Variants in DSCAM observed in about 807,000 individuals in gnomAD.
The protein encoded by DSCAM is DS cell adhesion molecule, also known as cell adhesion molecule DSCAM.
Under a neutral mutation model 217.7 loss-of-function variants are expected in DSCAM, and 47 were observed. The observed-to-expected ratio is 0.22, with a 90% CI of 0.17 to 0.28. The LOEUF is 0.28. DSCAM is among the 10% of genes least tolerant of loss of function. The probability of loss-of-function intolerance (pLI) is 1.00; values close to 1 mark genes in which losing one functional copy is unlikely to be tolerated. For synonymous variants in DSCAM, 1,056 were observed against 1,015.3 expected (o/e 1.04, Z -0.76); for missense variants, 2,080 against 2,618.3 (o/e 0.79, Z 4.49).
intron 16 of DSCAM, among the ~76,000 whole-genome samples, chr21:40,149,175 A>G (rs949664031): frequency 4.6e-5 from 7 of 151,966 alleles, no homozygotes; most frequent in African/African-American, 7.3e-5. Context: ...CTCCATCACT[A>G]TTCCAACACC....
intron 16 of DSCAM, among the ~76,000 whole-genome samples, chr21:40,153,968 C>A (rs572003544): frequency 6.6e-6 from 1 of 152,222 alleles, no homozygotes; most frequent in African/African-American, 2.4e-5. Flanking sequence ...TTAGACCTTC[C>A]TGGTCTTGGG....
intron 3 of DSCAM, among the ~76,000 whole-genome samples, chr21:40,662,929 A>G (rs2090154304): frequency 6.6e-6 from 1 of 152,148 alleles, no homozygotes; most frequent in Non-Finnish European, 1.5e-5. Flanking sequence ...AGTAAATGGG[A>G]AACAAAATAA....
rs553028021 is a variant in DSCAM at position 40,320,132 on chromosome 21, A to C, written c.1784-7773T>G. 4.6e-5 allele frequency among the ~76,000 whole-genome samples: 7 copies of C among 152,300 alleles called. 1 individual carries two copies. In the South Asian group the frequency reaches 1.5e-3, roughly 32 times the overall value. ...GATGGGTTGAGAGGTGCAGCATACC[A>C]CCATGGCACACATTTACCTATGTGA... On this transcript the variant is annotated intron_variant, in intron 8 of 32. Transcript: ENST00000400454.
chr21:40,702,157 C>T (rs1439587840), intron 2 of DSCAM, among the ~76,000 whole-genome samples: 3 of 152,058 alleles, frequency 2.0e-5, no homozygotes, highest in Admixed American at 1.3e-4. Flanking sequence ...TCTTCACCTC[C>T]CCCCTTTACA....
At chr21:40,225,094 C>T (rs574453373) in intron 11 of DSCAM, among the ~76,000 whole-genome samples, 11 of 152,348 alleles carry the variant, frequency 7.2e-5, no homozygotes, top group African/African-American at 2.6e-4. Flanking sequence ...ACTGAAACAT[C>T]CCTGTTCACA....
intron 11 of DSCAM, among the ~76,000 whole-genome samples, chr21:40,218,507 A>G (rs989054157): frequency 6.6e-6 from 1 of 151,992 alleles, no homozygotes; most frequent in Admixed American, 6.6e-5. Context: ...AATTTCAAAA[A>G]TTTTTTTCTA....
At chr21:40,494,895 A>G (rs2076105772) in intron 3 of DSCAM, among the ~76,000 whole-genome samples, 1 of 152,190 alleles carries the variant, frequency 6.6e-6, no homozygotes, top group East Asian at 1.9e-4. Flanking sequence ...AAAATCAGAA[A>G]TAAAAGGAGA....
Position 40,160,517 on chromosome 21 carries a change from T to C in DSCAM, c.3018+6701A>G, listed in dbSNP as rs2090528989. Among the ~76,000 whole-genome samples, 2 of 152,324 alleles carry C rather than the reference T, an allele frequency of 1.3e-5. 1 individual carries two copies. The highest frequency in any genetic ancestry group is 2.9e-5 in the Non-Finnish European group (2 of 68,026). On this transcript the variant is annotated intron_variant, in intron 16 of 32. Transcript: ENST00000400454. ...AAAGCTTCCTAGTGAATATTATGCA[T>C]AGTGTGCTTATTAGACAATTTAAGT...
intron 6 of DSCAM, among the ~76,000 whole-genome samples, chr21:40,345,873 C>T (rs2074552530): frequency 6.6e-6 from 1 of 152,144 alleles, no homozygotes; most frequent in African/African-American, 2.4e-5. Context: ...TGACATGCGA[C>T]AAATAAATCT....
At chr21:40,119,391 GTGTT>G (rs2090007392) in intron 20 of DSCAM, among the ~76,000 whole-genome samples, 1 of 152,202 alleles carries the variant, frequency 6.6e-6, no homozygotes, top group East Asian at 1.9e-4. Context: ...AAGTATAAAT[GTGTT>G]TGTGGGCACA....
chr21:40,753,552 A>T (rs2091248556), intron 1 of DSCAM, among the ~76,000 whole-genome samples: 2 of 152,242 alleles, frequency 1.3e-5, no homozygotes, highest in Admixed American at 1.3e-4. Flanking sequence ...ACACATTGGT[A>T]ACAAATAGAC....
intron 3 of DSCAM, among the ~76,000 whole-genome samples, chr21:40,532,897 TGTGTGTGTGTGTGCACAC>T (rs1437920024): frequency 3.0e-5 from 4 of 134,290 alleles, no homozygotes; most frequent in African/African-American, 1.1e-4. Context: ...TGTGTGTGTG[TGTGTGTGTGTGTGCACAC>T]GCACGCGCAT....
intron 16 of DSCAM, among the ~76,000 whole-genome samples, chr21:40,154,552 G>T (rs1028016775): frequency 2.0e-5 from 3 of 152,092 alleles, no homozygotes; most frequent in Admixed American, 6.6e-5. Flanking sequence ...ACTGCTTCCG[G>T]TCTCAAATGA....
chr21:40,082,751 T>C (rs566381622), intron 24 of DSCAM, among the ~76,000 whole-genome samples: 1 of 152,094 alleles, frequency 6.6e-6, no homozygotes, highest in Admixed American at 6.5e-5. Flanking sequence ...CTGATAAATG[T>C]TTAACAACTG....
intron 3 of DSCAM, among the ~76,000 whole-genome samples, chr21:40,600,017 T>C (rs2077050594): frequency 1.3e-5 from 2 of 152,188 alleles, no homozygotes. Context: ...AGCTGAATTC[T>C]ACAGAGTTAC....
intron 3 of DSCAM, among the ~76,000 whole-genome samples, chr21:40,628,785 T>C (rs1050022031): frequency 5.3e-5 from 8 of 152,122 alleles, no homozygotes; most frequent in African/African-American, 1.9e-4. Flanking sequence ...TCTTGATCTG[T>C]CACCCAGGCT....
At chr21:40,232,949 A>T (rs1009428353) in intron 11 of DSCAM, among the ~76,000 whole-genome samples, 7 of 152,150 alleles carry the variant, frequency 4.6e-5, no homozygotes, top group Non-Finnish European at 1.0e-4. Flanking sequence ...TTAAATATGT[A>T]TAATTTATAA....
At chr21:40,535,286 T>C (rs1415951921) in intron 3 of DSCAM, among the ~76,000 whole-genome samples, 1 of 152,198 alleles carries the variant, frequency 6.6e-6, no homozygotes, top group Non-Finnish European at 1.5e-5. Context: ...TTATAACATA[T>C]AATAACTTGA....
At chr21:40,094,185 C>T (rs1187284376) in intron 20 of DSCAM, among the ~76,000 whole-genome samples, 1 of 152,132 alleles carries the variant, frequency 6.6e-6, no homozygotes, top group Non-Finnish European at 1.5e-5. Flanking sequence ...CCTGAAACAA[C>T]TGAGGAACAC....
Sources: allele counts gnomAD v4.1 joint callset (sites outside exome capture counted in the v4.1 genomes callset), GRCh38; gene constraint gnomAD v4.1.1; transcripts MANE v1.5; gene names NCBI Gene and HGNC (gene_info 2026-07-23, HGNC 2026-07-21).